Variants in EEFSEC observed in about 807,000 individuals in gnomAD.
EEFSEC encodes the protein selenocysteine-specific elongation factor.
Under a neutral mutation model 42.1 loss-of-function variants are expected in EEFSEC, and 43 were observed. The ratio of observed to expected loss-of-function variants is 1.02; its 90% CI spans 0.80 to 1.32. EEFSEC has a LOEUF of 1.32. Among genes scored for constraint, EEFSEC ranks in the 40% most tolerant of loss-of-function variants. The pLI is 0.00. For missense variants in EEFSEC, 745 were observed against 803.6 expected (o/e 0.93, Z 0.88); for synonymous variants, 354 against 339.1 (o/e 1.04, Z -0.48).
intron 1 of EEFSEC, among the ~76,000 whole-genome samples, chr3:128,162,098 G>T (rs1399720869): frequency 2.6e-5 from 4 of 152,162 alleles, no homozygotes; most frequent in Admixed American, 2.0e-4. Flanking sequence ...AAATACTGAG[G>T]CATATTTGAA....
Position 128,349,504 on chromosome 3 carries a change from A to T in EEFSEC, c.1443+7615A>T, listed in dbSNP as rs377386789. On this transcript the variant is annotated intron_variant, in intron 5 of 6. Transcript: ENST00000254730. ...TTTCAGGACTGTGTGAACATGAAGG[A>T]GGAGGTGAGGGTCTGGTGCTTAGGA... is the stretch of plus-strand genomic sequence containing the variant. Among the ~76,000 whole-genome samples the T allele has an allele frequency of 7.2e-5, 11 of 152,318 alleles. No homozygotes were observed. The East Asian group carries it at 2.1e-3, about 29-fold the overall frequency.
intron 4 of EEFSEC, among the ~76,000 whole-genome samples, chr3:128,318,213 G>A (rs2066969194): frequency 6.6e-6 from 1 of 152,252 alleles, no homozygotes. Flanking sequence ...GGTTAGAAAG[G>A]GTTCAGCCAA....
chr3:128,353,830 T>C (rs999008885), intron 5 of EEFSEC, among the ~76,000 whole-genome samples: 4 of 152,178 alleles, frequency 2.6e-5, no homozygotes, highest in African/African-American at 9.7e-5. Context: ...GAGCCCCCTG[T>C]TCCCGACAGG....
chr3:128,244,330 G>A (rs957544999), intron 1 of EEFSEC, among the ~76,000 whole-genome samples: 1 of 152,218 alleles, frequency 6.6e-6, no homozygotes, highest in African/African-American at 2.4e-5. Flanking sequence ...AGGGAGGCAT[G>A]AGTGTCATGG....
intron 4 of EEFSEC, among the ~76,000 whole-genome samples, chr3:128,305,883 A>G (rs541023960): frequency 2.0e-5 from 3 of 152,316 alleles, no homozygotes; most frequent in Non-Finnish European, 2.9e-5. Flanking sequence ...ATCATATAAT[A>G]GTTACCTAGG....
intron 2 of EEFSEC, among the ~76,000 whole-genome samples, chr3:128,248,401 TTGG>T (rs1172181820): frequency 6.6e-6 from 1 of 152,180 alleles, no homozygotes; most frequent in East Asian, 1.9e-4. Context: ...AATTCTCAAG[TTGG>T]TTAAATTAAA....
At chr3:128,230,165 G>A (rs530731979) in intron 1 of EEFSEC, among the ~76,000 whole-genome samples, 2 of 117,562 alleles carry the variant, frequency 1.7e-5, no homozygotes, top group South Asian at 3.0e-4. Context: ...ATTTTCTTTC[G>A]AGACAAGATC....
intron 1 of EEFSEC, among the ~76,000 whole-genome samples, chr3:128,216,316 C>G (rs2999089): frequency 0.89 from 135,279 of 152,216 alleles, 60,197 homozygotes; most frequent in East Asian, 1. Flanking sequence ...TTTTCCACTG[C>G]GGGGTGGTTT....
intron 4 of EEFSEC, among the ~76,000 whole-genome samples, chr3:128,269,309 G>T (rs1464852153): frequency 6.6e-6 from 1 of 152,242 alleles, no homozygotes; most frequent in Non-Finnish European, 1.5e-5. Context: ...GGGCCTGCAG[G>T]CCCCATGGCA....
intron 1 of EEFSEC, among the ~76,000 whole-genome samples, chr3:128,169,809 A>G (rs1342043307): frequency 6.6e-6 from 1 of 152,176 alleles, no homozygotes; most frequent in Non-Finnish European, 1.5e-5. Context: ...TAGAATTGTA[A>G]ATAAAATTCC....
intron 1 of EEFSEC, among the ~76,000 whole-genome samples, chr3:128,233,015 G>A (rs946506215): frequency 3.3e-5 from 5 of 152,198 alleles, no homozygotes; most frequent in South Asian, 2.1e-4. Flanking sequence ...CCCTAGGGGT[G>A]GGCCGCTCCT....
chr3:128,278,515 G>A (rs995715182), intron 4 of EEFSEC, among the ~76,000 whole-genome samples: 17 of 152,202 alleles, frequency 1.1e-4, no homozygotes, highest in African/African-American at 3.9e-4. Context: ...CACTTGGAAA[G>A]GTCTAGGAAG....
At chr3:128,327,303 C>CA (rs398052257) in intron 4 of EEFSEC, among the ~76,000 whole-genome samples, 8 of 128,550 alleles carry the variant, frequency 6.2e-5, no homozygotes, top group East Asian at 2.0e-4. Context: ...CCCCCCCCCC[C>CA]AAGGTTGTCC....
At chr3:128,223,894 A>G (rs2065884249) in intron 1 of EEFSEC, among the ~76,000 whole-genome samples, 1 of 152,058 alleles carries the variant, frequency 6.6e-6, no homozygotes, top group South Asian at 2.1e-4. Flanking sequence ...GATATTTTGT[A>G]TTTTGAAAAC....
intron 4 of EEFSEC, among the ~76,000 whole-genome samples, chr3:128,313,323 G>C (rs1419922427): frequency 6.6e-6 from 1 of 152,244 alleles, no homozygotes; most frequent in African/African-American, 2.4e-5. Context: ...GAGATGCAAG[G>C]AAGGGTTTAT....
chr3:128,373,641 T>C (rs2067678608), intron 6 of EEFSEC, among the ~76,000 whole-genome samples: 1 of 152,312 alleles, frequency 6.6e-6, no homozygotes, highest in East Asian at 1.9e-4. Flanking sequence ...ACCACGTGCA[T>C]GTCCAGGGAG....
At chr3:128,301,543 G>C (rs1446288689) in intron 4 of EEFSEC, among the ~76,000 whole-genome samples, 3 of 152,288 alleles carry the variant, frequency 2.0e-5, no homozygotes, top group Admixed American at 6.5e-5. Context: ...AGGCCATCAG[G>C]ATGTCAAGGG....
chr3:128,272,455 G>A lies in EEFSEC; in HGVS notation c.786+7674G>A, dbSNP rs560173727. ...TGACGCCTGGACTCAGGGGCTGAAC[G>A]GCCACCTTACTCCCAGGCTGGAGGT... On this transcript the variant is annotated intron_variant, in intron 4 of 6. Transcript: ENST00000254730. Among the ~76,000 whole-genome samples, 10 of 152,268 alleles carry A rather than the reference G, an allele frequency of 6.6e-5. No homozygotes were observed. The East Asian group carries it at 7.7e-4, about 12-fold the overall frequency.
intron 6 of EEFSEC, among the ~76,000 whole-genome samples, chr3:128,364,800 G>A (rs1003799046): frequency 2.6e-5 from 4 of 152,158 alleles, no homozygotes; most frequent in African/African-American, 9.7e-5. Context: ...ACCCTGTCCC[G>A]GAGCTGCCAT....
Sources: allele counts gnomAD v4.1 joint callset (sites outside exome capture counted in the v4.1 genomes callset), GRCh38; gene constraint gnomAD v4.1.1; transcripts MANE v1.5; gene names NCBI Gene and HGNC (gene_info 2026-07-23, HGNC 2026-07-21).